LDLRAD3: variants seen among roughly 807,000 people sequenced by gnomAD.
The protein encoded by LDLRAD3 is low density lipoprotein receptor class A domain containing 3.
LDLRAD3 carries 20 observed loss-of-function variants against 29.4 expected under a neutral mutation model. The ratio of observed to expected loss-of-function variants is 0.68; its 90% CI spans 0.48 to 0.99. LDLRAD3 has a LOEUF of 0.99. LDLRAD3 is among the 50% of genes least tolerant of loss of function. The probability of loss-of-function intolerance (pLI) is 0.00; values close to 1 mark genes in which losing one functional copy is unlikely to be tolerated. For missense variants in LDLRAD3, 420 were observed against 454.3 expected (o/e 0.92, Z 0.69); for synonymous variants, 157 against 192.7 (o/e 0.81, Z 1.53).
At chr11:36,208,444 CACTG>C (rs1366163274) in intron 4 of LDLRAD3, among the ~76,000 whole-genome samples, 1 of 152,212 alleles carries the variant, frequency 6.6e-6, no homozygotes, top group Non-Finnish European at 1.5e-5. Flanking sequence ...CGATGACAAT[CACTG>C]TGTCCCCAGG....
intron 4 of LDLRAD3, among the ~76,000 whole-genome samples, chr11:36,183,185 A>T (rs966503404): frequency 6.6e-6 from 1 of 152,220 alleles, no homozygotes; most frequent in Admixed American, 6.5e-5. Context: ...CCCTAGACAC[A>T]CGGTGTTAGT....
intron 1 of LDLRAD3, among the ~76,000 whole-genome samples, chr11:35,950,517 G>GTGTGTA (rs369538126): frequency 2.6e-5 from 4 of 152,206 alleles, no homozygotes; most frequent in Admixed American, 6.5e-5. Flanking sequence ...ATATGTGTAT[G>GTGTGTA]TGTGTATGTG....
intron 1 of LDLRAD3, among the ~76,000 whole-genome samples, chr11:35,959,895 C>T (rs1023372726): frequency 1.3e-5 from 2 of 152,122 alleles, no homozygotes; most frequent in African/African-American, 4.8e-5. Flanking sequence ...TCTCACCATT[C>T]TACTCCAGCT....
intron 3 of LDLRAD3, among the ~76,000 whole-genome samples, chr11:36,088,789 G>A (rs887376686): frequency 4.6e-5 from 7 of 152,132 alleles, no homozygotes; most frequent in Non-Finnish European, 8.8e-5. Flanking sequence ...GTTTCCTTTG[G>A]AAATCTTTCT....
chr11:36,067,611 C>T (rs1341977107), intron 2 of LDLRAD3, among the ~76,000 whole-genome samples: 1 of 151,822 alleles, frequency 6.6e-6, no homozygotes, highest in Non-Finnish European at 1.5e-5. Flanking sequence ...ATCATATGGC[C>T]AATAAGTGGT....
At chr11:36,223,247 A>C (rs114130768) in intron 4 of LDLRAD3, among the ~76,000 whole-genome samples, 2,290 of 152,284 alleles carry the variant, frequency 0.015, 48 homozygotes, top group African/African-American at 0.052. Context: ...GAGAGGTCTG[A>C]AGAGAGCCTG....
intron 4 of LDLRAD3, among the ~76,000 whole-genome samples, chr11:36,130,713 A>C (rs1171578999): frequency 6.6e-6 from 1 of 152,192 alleles, no homozygotes; most frequent in African/African-American, 2.4e-5. Flanking sequence ...TCCTTCTTAC[A>C]GATCAGCCCA....
intron 3 of LDLRAD3, among the ~76,000 whole-genome samples, chr11:36,082,987 T>G (rs1377321087): frequency 3.3e-5 from 5 of 152,218 alleles, no homozygotes; most frequent in Non-Finnish European, 7.3e-5. Flanking sequence ...AACTTACACG[T>G]TTATTTTCTG....
intron 4 of LDLRAD3, among the ~76,000 whole-genome samples, chr11:36,164,170 C>T (rs1247799312): frequency 6.6e-6 from 1 of 152,202 alleles, no homozygotes; most frequent in Admixed American, 6.5e-5. Flanking sequence ...CACGCTCTGT[C>T]CCTGTGCATC....
intron 4 of LDLRAD3, among the ~76,000 whole-genome samples, chr11:36,139,346 T>TATAG (rs1361067470): frequency 1.3e-5 from 2 of 152,102 alleles, no homozygotes; most frequent in Non-Finnish European, 2.9e-5. Flanking sequence ...ATCCGTCAAT[T>TATAG]ATAGATGATC....
At chr11:36,043,533 C>T (rs1039188663) in intron 2 of LDLRAD3, among the ~76,000 whole-genome samples, 2 of 152,126 alleles carry the variant, frequency 1.3e-5, no homozygotes, top group East Asian at 3.8e-4. Flanking sequence ...AAATGGGGGT[C>T]CTTGTGGATG....
At chr11:36,204,498 CTTTTTT>C (rs56354406) in intron 4 of LDLRAD3, among the ~76,000 whole-genome samples, 22 of 145,074 alleles carry the variant, frequency 1.5e-4, no homozygotes, top group Non-Finnish European at 7.5e-5. Flanking sequence ...CTCTCTCTTT[CTTTTTT>C]TTTTTTTTGA....
intron 1 of LDLRAD3, among the ~76,000 whole-genome samples, chr11:36,014,362 G>A (rs1387766461): frequency 6.6e-6 from 1 of 152,210 alleles, no homozygotes; most frequent in Non-Finnish European, 1.5e-5. Context: ...GGTATTACCA[G>A]CCTAGGCTTT....
At chr11:36,129,148 G>A (rs1853887874) in intron 4 of LDLRAD3, among the ~76,000 whole-genome samples, 1 of 151,826 alleles carries the variant, frequency 6.6e-6, no homozygotes, top group Admixed American at 6.5e-5. Flanking sequence ...TTCCCAGATA[G>A]AAATGTCCCG....
chr11:36,227,763 G>A (rs747852343), intron 5 of LDLRAD3, among the ~76,000 whole-genome samples: 3 of 152,184 alleles, frequency 2.0e-5, no homozygotes, highest in African/African-American at 7.2e-5. Context: ...GGAACATACA[G>A]TTAGGATCCT....
At chr11:36,086,759 C>G (rs1853202529) in intron 3 of LDLRAD3, among the ~76,000 whole-genome samples, 1 of 152,210 alleles carries the variant, frequency 6.6e-6, no homozygotes, top group Non-Finnish European at 1.5e-5. Flanking sequence ...TGGTCTTATT[C>G]TCCATTTGGC....
chr11:36,010,618 G>T (rs1366724550), intron 1 of LDLRAD3, among the ~76,000 whole-genome samples: 1 of 152,064 alleles, frequency 6.6e-6, no homozygotes, highest in Non-Finnish European at 1.5e-5. Context: ...CTATAGTCTG[G>T]CACTTAAAGC....
intron 5 of LDLRAD3, among the ~76,000 whole-genome samples, chr11:36,227,994 CTTTCAAGCTT>C (rs1391796438): frequency 6.6e-6 from 1 of 152,208 alleles, no homozygotes; most frequent in Non-Finnish European, 1.5e-5. Flanking sequence ...GAAAGGAGCA[CTTTCAAGCTT>C]TTTTAAGCAG....
At position 35,947,311 on chromosome 11, in the gene LDLRAD3, C is replaced by T. The variant is rs138481240; in HGVS notation, c.46+3167C>T. Among the ~76,000 whole-genome samples the T allele has an allele frequency of 7.6e-3, 1,151 of 151,218 alleles. 19 individuals are homozygous for T. The highest frequency in any genetic ancestry group is 0.026 in the African/African-American group (1,071 of 41,132). Reference sequence around the variant, plus strand: ...ATCGCTTGAGGTCAGGAGTTTGAGACCAGCCTGGCCAACATGGTGAAACCG... The same window carrying T: ...ATCGCTTGAGGTCAGGAGTTTGAGATCAGCCTGGCCAACATGGTGAAACCG... On this transcript the variant is annotated intron_variant, in intron 1 of 5. Coordinates refer to ENST00000315571, the MANE Select transcript of LDLRAD3 (RefSeq NM_174902.4).
Sources: gnomAD v4.1 joint callset for allele counts (sites outside exome capture counted in the v4.1 genomes callset) on GRCh38, gnomAD v4.1.1 for gene constraint, MANE v1.5 for transcripts, NCBI Gene and HGNC (gene_info 2026-07-23, HGNC 2026-07-21) for gene names.